SPATA6L: variants seen among roughly 807,000 people sequenced by gnomAD.
The protein encoded by SPATA6L is spermatogenesis associated 6 like.
A neutral mutation model predicts 49.2 loss-of-function variants in SPATA6L; 68 were observed. The ratio of observed to expected loss-of-function variants is 1.38; its 90% CI spans 1.14 to 1.69. SPATA6L has a LOEUF of 1.69. Ranked by LOEUF, SPATA6L falls within the 40% of genes most tolerant of loss-of-function variation. The pLI, the probability that SPATA6L is intolerant of heterozygous loss-of-function variation, is 0.00. For missense variants in SPATA6L, 668 were observed against 464.3 expected (o/e 1.44, Z -4.03); for synonymous variants, 198 against 165.7 (o/e 1.19, Z -1.50).
At chr9:4,605,660 T>C (rs985427615) in intron 9 of SPATA6L, among the ~76,000 whole-genome samples, 1 of 152,246 alleles carries the variant, frequency 6.6e-6, no homozygotes, top group Non-Finnish European at 1.5e-5. Flanking sequence ...TTTTTGTGTT[T>C]CTATGTGTGG....
At chr9:4,617,817 A>G in intron 9 of SPATA6L, 106 bp downstream of exon 9, 2 of 927,276 alleles carry the variant, frequency 2.2e-6, no homozygotes, top group Non-Finnish European at 3.1e-6. Flanking sequence ...TCAAGGTGTC[A>G]CCAGCTGAAT....
At chr9:4,629,755 A>ATATG (rs1554721565) in intron 4 of SPATA6L, among the ~76,000 whole-genome samples, 4 of 125,432 alleles carry the variant, frequency 3.2e-5, no homozygotes, top group African/African-American at 1.0e-4. Context: ...TGTTTTATAT[A>ATATG]TGTGTGTGTG....
intron 3 of SPATA6L, among the ~76,000 whole-genome samples, chr9:4,642,544 A>G (rs1353673749): frequency 6.6e-6 from 1 of 152,216 alleles, no homozygotes; most frequent in African/African-American, 2.4e-5. Flanking sequence ...AGAAAGAACT[A>G]CAGACTCCTG....
chr9:4,591,793 A>G (rs557825530), intron 13 of SPATA6L, among the ~76,000 whole-genome samples: 66 of 152,228 alleles, frequency 4.3e-4, no homozygotes, highest in Admixed American at 1.4e-3. Flanking sequence ...AAGGATATTT[A>G]GTCTGCTTTT....
chr9:4,638,707 C>G (rs1217034674), intron 3 of SPATA6L, among the ~76,000 whole-genome samples: 1 of 152,092 alleles, frequency 6.6e-6, no homozygotes, highest in Non-Finnish European at 1.5e-5. Flanking sequence ...GTCAATTTCC[C>G]CAGCTATCAC....
At chr9:4,643,243 T>C (rs975144904) in intron 3 of SPATA6L, among the ~76,000 whole-genome samples, 1 of 152,192 alleles carries the variant, frequency 6.6e-6, no homozygotes, top group African/African-American at 2.4e-5. Context: ...CCTGACCTCA[T>C]GATCCGCCCA....
At chr9:4,637,966 T>A (rs1326955705) in intron 3 of SPATA6L, among the ~76,000 whole-genome samples, 2 of 152,194 alleles carry the variant, frequency 1.3e-5, no homozygotes, top group Non-Finnish European at 2.9e-5. Context: ...TTATTTTCAT[T>A]CATACATTCA....
intron 2 of SPATA6L, among the ~76,000 whole-genome samples, chr9:4,660,926 C>G (rs1162141389): frequency 6.6e-6 from 1 of 152,062 alleles, no homozygotes; most frequent in Non-Finnish European, 1.5e-5. Flanking sequence ...CAAACTATCA[C>G]AAGGACAGAA....
rs1409544560 is a variant in SPATA6L, at chr9:4,662,353, C to G, written c.40-317G>C. The G allele has an allele frequency of 2.7e-6, 4 of 1,484,366 alleles. No homozygotes were observed. The highest frequency in any genetic ancestry group is 4.6e-5 in the Admixed American group (2 of 43,118). 91.9% of individuals were successfully genotyped at this position (1,484,366 alleles called of 1,614,324 possible). A position where few individuals can be genotyped will look rare whatever the true frequency, so the allele number is the denominator to read the frequency against. ...GCCTCTGTTTGGTCCGGCCAGGTCC[C>G]GGGATCCGGGCCGCCAGCTGCGATG... On this transcript the variant is annotated intron_variant, in intron 1 of 11. Coordinates refer to ENST00000682582, the MANE Select transcript of SPATA6L (RefSeq NM_001353486.2). This position sits in a 1 kb window ranked among gnomAD's most constrained non-coding sequence, Gnocchi z 4.9.
At chr9:4,664,295 A>G (rs1467945210) in intron 1 of SPATA6L, 1 of 166,926 alleles carries the variant, frequency 6.0e-6, no homozygotes, top group Non-Finnish European at 1.5e-5. Flanking sequence ...GGGAAAAGGA[A>G]CGTCTTCTCA....
intron 13 of SPATA6L, among the ~76,000 whole-genome samples, chr9:4,591,449 C>T (rs1335158029): frequency 6.7e-6 from 1 of 149,884 alleles, no homozygotes; most frequent in Non-Finnish European, 1.5e-5. Flanking sequence ...CTAGGCAGGT[C>T]TGATGGATCT....
At chr9:4,619,147 G>T (rs1188685293) in intron 7 of SPATA6L, among the ~76,000 whole-genome samples, 1 of 147,990 alleles carries the variant, frequency 6.8e-6, no homozygotes, top group Non-Finnish European at 1.5e-5. Context: ...TCAACAGTCA[G>T]GTTTTCTCTT....
At chr9:4,652,264 T>C (rs1837078301) in intron 3 of SPATA6L, among the ~76,000 whole-genome samples, 7 of 151,852 alleles carry the variant, frequency 4.6e-5, no homozygotes, top group Admixed American at 4.6e-4. Flanking sequence ...CTACTAAAAA[T>C]ACAAAAAATT....
intron 3 of SPATA6L, among the ~76,000 whole-genome samples, chr9:4,643,355 G>GGAA (rs1834476200): frequency 6.6e-6 from 1 of 152,172 alleles, no homozygotes; most frequent in African/African-American, 2.4e-5. Flanking sequence ...TAGGATATGG[G>GGAA]GAAGGGGCAT....
rs1017661230 is a variant in SPATA6L at position 4,661,972 on chromosome 9, T to C, written c.104A>G (p.Asn35Ser). The C allele has an allele frequency of 5.6e-6, 9 of 1,613,964 alleles. No homozygotes were observed. In the African/African-American group the frequency reaches 6.7e-5, roughly 12 times the overall value. ...AAAGCTGTTGGTCTCCAGGTACTGATTCATGAGGTAGACCCCGAGGTACAC... is the reference window on the plus strand; with the variant it reads ...AAAGCTGTTGGTCTCCAGGTACTGACTCATGAGGTAGACCCCGAGGTACAC... Reference protein sequence around the residue: ...QDVYLGVYLMNQYLETNSFPS... With the variant: ...QDVYLGVYLMSQYLETNSFPS... Residue 35 changes from asparagine to serine, a missense_variant, in exon 2 of 12, where the codon AAT becomes AGT. Coordinates refer to ENST00000682582, the MANE Select transcript of SPATA6L (RefSeq NM_001353486.2).
chr9:4,602,585 G>A (rs567614519), intron 11 of SPATA6L, among the ~76,000 whole-genome samples: 16 of 152,250 alleles, frequency 1.1e-4, no homozygotes, highest in African/African-American at 3.6e-4. Flanking sequence ...TTAGAAAGAC[G>A]CATAATTATT....
rs7870928 is a variant in SPATA6L at position 4,613,104 on chromosome 9, C to G, written c.995+4819G>C. Among the ~76,000 whole-genome samples, 3 of 151,868 alleles carry G rather than the reference C, an allele frequency of 2.0e-5. No homozygotes were observed. The East Asian group carries it at 5.8e-4, about 29-fold the overall frequency. ...TTAGCCAGGTGTGGTGGTGGTACAT[C>G]TGTAGTCCCAGATACCAGGAGGCTG... On this transcript the variant is annotated intron_variant, in intron 9 of 11. Coordinates refer to ENST00000682582, the MANE Select transcript of SPATA6L (RefSeq NM_001353486.2).
Position 4,663,000 on chromosome 9 carries a change from TC to T in SPATA6L, c.40-965del, listed in dbSNP as rs1374632165. On this transcript the variant is annotated intron_variant, in intron 1 of 11. Transcript: ENST00000682582. This position sits in a 1 kb window ranked among gnomAD's most constrained non-coding sequence, Gnocchi z 4.9. The stretch of plus-strand genomic sequence containing the variant: ...TGTCACTCTCTCGGTGGACAAGTAC[TC>T]CTTCCCCTCGGGCCATGCCACAAGG... 6.2e-7 allele frequency: 1 copy of T among 1,612,890 alleles called. No homozygotes were observed. The highest frequency in any genetic ancestry group is 2.2e-5 in the East Asian group (1 of 44,808).
chr9:4,656,480 G>C (rs1436411275), intron 2 of SPATA6L, among the ~76,000 whole-genome samples: 1 of 148,546 alleles, frequency 6.7e-6, no homozygotes, highest in Admixed American at 6.7e-5. Flanking sequence ...AAGGAAGGAA[G>C]GAAGGAAGGA....
Sources: gnomAD v4.1 joint callset for allele counts (sites outside exome capture counted in the v4.1 genomes callset) on GRCh38, gnomAD v4.1.1 for gene constraint, Gnocchi (gnomAD v3.1) non-coding constraint, MANE v1.5 for transcripts, NCBI Gene and HGNC (gene_info 2026-07-23, HGNC 2026-07-21) for gene names.